Variants in RORB observed in about 807,000 individuals in gnomAD.
The protein encoded by RORB is RAR related orphan receptor B.
Under a neutral mutation model 59.1 loss-of-function variants are expected in RORB, and 6 were observed. The observed-to-expected ratio is 0.10, with a 90% CI of 0.06 to 0.20. RORB has a LOEUF of 0.20. Ranked by LOEUF, RORB falls within the 10% of genes least tolerant of loss-of-function variation. RORB has a pLI of 1.00. For synonymous variants in RORB, 215 were observed against 204.5 expected (o/e 1.05, Z -0.44); for missense variants, 320 against 560.5 (o/e 0.57, Z 4.33).
In RORB at chr9:74,692,560, G is replaced by T. The variant is rs1486923368; in HGVS notation, c.*6942G>T. The T allele has an allele frequency of 6.6e-6, 1 of 152,140 alleles. No individual in the cohort carries two copies. The highest frequency in any genetic ancestry group is 1.5e-5 in the Non-Finnish European group (1 of 68,042). 9.4% of individuals were successfully genotyped at this position (152,140 alleles called of 1,614,324 possible). On this transcript the variant is annotated 3_prime_UTR_variant, in exon 10 of 10. Coordinates refer to ENST00000376896, the MANE Select transcript of RORB (RefSeq NM_006914.4). ...TGCCCACTAACCTACTGCGCCTGGG[G>T]GGCAGCATGGGAGGGGTACAGTTTG...
intron 1 of RORB, among the ~76,000 whole-genome samples, chr9:74,524,175 TAGGAGGTCAC>T (rs1185655285): frequency 6.6e-6 from 1 of 151,682 alleles, no homozygotes; most frequent in Non-Finnish European, 1.5e-5. Context: ...TGTGAGGTGC[TAGGAGGTCAC>T]AGGAGAGGAG....
intron 1 of RORB, among the ~76,000 whole-genome samples, chr9:74,516,567 A>C (rs1489813456): frequency 6.6e-6 from 1 of 152,004 alleles, no homozygotes; most frequent in African/African-American, 2.4e-5. Flanking sequence ...GAAATCTGTG[A>C]CTGTTCCTGT....
chr9:74,549,547 GGGAAGGAAGGAA>G (rs1202590523), intron 1 of RORB, among the ~76,000 whole-genome samples: 2,287 of 26,300 alleles, frequency 0.087, 109 homozygotes, highest in Middle Eastern at 0.23. Flanking sequence ...GAGGGAGGGA[GGGAAGGAAGGAA>G]GGAAGGAAGG....
chr9:74,549,609 A>AAAGG lies in RORB; in HGVS notation c.7+51642_7+51645dup, dbSNP rs1296424371. On this transcript the variant is annotated intron_variant, in intron 1 of 9. Coordinates refer to ENST00000376896, the MANE Select transcript of RORB (RefSeq NM_006914.4). ...GGAAGGAAGGAAGGAAGGAAGGAAG[A>AAAGG]AAGGAAGGAAGGAAGGAAGAAAGGA... is the stretch of plus-strand genomic sequence containing the variant. Among the ~76,000 whole-genome samples, 4 of 33,324 alleles carry AAAGG rather than the reference A, an allele frequency of 1.2e-4. No individual in the cohort carries two copies. In the South Asian group the frequency reaches 3.3e-3, roughly 27 times the overall value. 21.9% of individuals were successfully genotyped at this position (33,324 alleles called of 152,430 possible).
intron 1 of RORB, among the ~76,000 whole-genome samples, chr9:74,546,715 C>T (rs7025191): frequency 0.57 from 87,354 of 151,998 alleles, 26,021 homozygotes; most frequent in African/African-American, 0.7. Context: ...TTGCTGTTGT[C>T]GTTTAATGCA....
At position 74,686,613 on chromosome 9, in the gene RORB, A is replaced by C. The variant is rs563031546; in HGVS notation, c.*995A>C. 4 of 152,258 alleles carry C rather than the reference A, an allele frequency of 2.6e-5. No homozygotes were observed. Among genetic ancestry groups the C allele is most frequent in the Non-Finnish European group, 4.4e-5 (3 of 68,026 alleles). The allele number at this position is 152,258 out of a possible 1,614,324, so 9.4% of individuals were successfully genotyped here. On this transcript the variant is annotated 3_prime_UTR_variant, in exon 10 of 10. Coordinates refer to ENST00000376896, the MANE Select transcript of RORB (RefSeq NM_006914.4). ...TATTGTGTCTTCAACTGAAAAATAC[A>C]ATCTGTGGATTATGACTACCAGCAA...
Position 74,690,605 on chromosome 9 carries a change from G to A in RORB, c.*4987G>A, listed in dbSNP as rs948261810. The A allele has an allele frequency of 1.2e-4, 19 of 152,250 alleles. No individual in the cohort carries two copies. Among genetic ancestry groups the A allele is most frequent in the African/African-American group, 4.6e-4 (19 of 41,534 alleles). 9.4% of individuals were successfully genotyped at this position (152,250 alleles called of 1,614,324 possible). ...TGGTTTAAAGCAAAATCGCATCTGG[G>A]GCCAGCTCAACTGCAGCAAGTCTGG... On this transcript the variant is annotated 3_prime_UTR_variant, in exon 10 of 10. Coordinates refer to ENST00000376896, the MANE Select transcript of RORB (RefSeq NM_006914.4).
chr9:74,625,181 T>C (rs1294527441), intron 1 of RORB, among the ~76,000 whole-genome samples: 1 of 152,236 alleles, frequency 6.6e-6, no homozygotes, highest in Non-Finnish European at 1.5e-5. Context: ...AGGTGATTTA[T>C]GTGGTAGAGA....
At chr9:74,520,914 C>A (rs902107265) in intron 1 of RORB, among the ~76,000 whole-genome samples, 6 of 151,828 alleles carry the variant, frequency 4.0e-5, no homozygotes, top group African/African-American at 1.2e-4. Context: ...TGGTAAAATT[C>A]TGTGATTTAA....
intron 1 of RORB, among the ~76,000 whole-genome samples, chr9:74,573,784 A>C (rs1381303121): frequency 6.6e-6 from 1 of 152,118 alleles, no homozygotes; most frequent in Non-Finnish European, 1.5e-5. Flanking sequence ...TGAGAGGGAA[A>C]GGGTAGGGAA....
At chr9:74,635,514 C>T (rs1563959712) in intron 3 of RORB, among the ~76,000 whole-genome samples, 1 of 152,104 alleles carries the variant, frequency 6.6e-6, no homozygotes, top group African/African-American at 2.4e-5. Flanking sequence ...TTCATTCATC[C>T]AAAGTAATTC....
chr9:74,555,602 C>T (rs936756919), intron 1 of RORB, among the ~76,000 whole-genome samples: 4 of 152,184 alleles, frequency 2.6e-5, no homozygotes, highest in African/African-American at 9.7e-5. Flanking sequence ...GTTTATTTAA[C>T]TCTGAGTTTT....
chr9:74,635,621 G>A (rs542952211), intron 3 of RORB, among the ~76,000 whole-genome samples: 1 of 152,136 alleles, frequency 6.6e-6, no homozygotes, highest in African/African-American at 2.4e-5. Flanking sequence ...AAAACATCAG[G>A]CTCTGCTTAA....
intron 1 of RORB, among the ~76,000 whole-genome samples, chr9:74,538,506 G>A (rs2118124117): frequency 6.6e-6 from 1 of 152,162 alleles, no homozygotes; most frequent in South Asian, 2.1e-4. Flanking sequence ...ATAATTTATT[G>A]TGAAAGTGCT....
chr9:74,508,700 T>C (rs1186176981), intron 1 of RORB, among the ~76,000 whole-genome samples: 2 of 152,056 alleles, frequency 1.3e-5, no homozygotes, highest in Non-Finnish European at 2.9e-5. Context: ...CTACATTTCT[T>C]ATAAAAGTCT....
chr9:74,658,226 A>C (rs1285981057), intron 4 of RORB, among the ~76,000 whole-genome samples: 1 of 152,134 alleles, frequency 6.6e-6, no homozygotes, highest in Non-Finnish European at 1.5e-5. Context: ...TATGAGTCTC[A>C]CTGGAACAAG....
Position 74,609,946 on chromosome 9 carries a change from A to G in RORB, c.8-20336A>G, listed in dbSNP as rs564913956. On this transcript the variant is annotated intron_variant, in intron 1 of 9. Coordinates refer to ENST00000376896, the MANE Select transcript of RORB (RefSeq NM_006914.4). ...AAAATACACAGAACAGCTCCAGAGA[A>G]AAAAAGAATTATCCAGCCCAAAATA... 5.3e-5 allele frequency among the ~76,000 whole-genome samples: 8 copies of G among 152,300 alleles called. No individual in the cohort carries two copies. The East Asian group carries it at 1.5e-3, about 29-fold the overall frequency.
chr9:74,542,509 CAAAG>C (rs778279769), intron 1 of RORB, among the ~76,000 whole-genome samples: 2 of 151,874 alleles, frequency 1.3e-5, no homozygotes, highest in Non-Finnish European at 2.9e-5. Flanking sequence ...ATTTAAAAAA[CAAAG>C]GAAGAGAAAT....
At chr9:74,592,644 A>T in intron 1 of RORB, among the ~76,000 whole-genome samples, 1 of 152,210 alleles carries the variant, frequency 6.6e-6, no homozygotes, top group East Asian at 1.9e-4. Flanking sequence ...ATGAGGAGGT[A>T]CTGGGACTCT....
Sources: gnomAD v4.1 joint callset for allele counts (sites outside exome capture counted in the v4.1 genomes callset) on GRCh38, gnomAD v4.1.1 for gene constraint, MANE v1.5 for transcripts, NCBI Gene and HGNC (gene_info 2026-07-23, HGNC 2026-07-21) for gene names.